FOXP1: variants seen among roughly 807,000 people sequenced by gnomAD.
The protein encoded by FOXP1 is forkhead box P1, also known as forkhead box protein P1.
In FOXP1, 15 loss-of-function variants were observed where a neutral mutation model predicts 98.2. The ratio of observed to expected loss-of-function variants is 0.15; its 90% CI spans 0.10 to 0.24. The LOEUF (loss-of-function observed/expected upper bound fraction) is 0.24. Among genes scored for constraint, FOXP1 ranks in the 10% least tolerant of loss-of-function variants. The pLI is 1.00. For synonymous variants in FOXP1, 371 were observed against 314.5 expected, an observed-to-expected ratio of 1.18 and a Z score of -1.90; for missense variants, 633 against 848.5, an observed-to-expected ratio of 0.75 and a Z score of 3.15.
At chr3:71,574,418 G>C (rs1400317778) in intron 2 of FOXP1, 2 of 152,180 alleles carry the variant, frequency 1.3e-5, no homozygotes. Flanking sequence ...TAGATCTTTA[G>C]TTGAAGCCCT....
intron 4 of FOXP1, among the ~76,000 whole-genome samples, chr3:71,316,733 C>T (rs977018766): frequency 1.3e-5 from 2 of 151,580 alleles, no homozygotes; most frequent in African/African-American, 2.4e-5. Flanking sequence ...TCTCAGCTCA[C>T]GGCAACCTTC....
intron 3 of FOXP1, among the ~76,000 whole-genome samples, chr3:71,372,909 T>G (rs1400234032): frequency 6.6e-6 from 1 of 152,190 alleles, no homozygotes; most frequent in Non-Finnish European, 1.5e-5. Flanking sequence ...AAATGACCCT[T>G]GAGAGGCCCA....
chr3:70,979,683 T>A (rs1043200016), intron 14 of FOXP1, among the ~76,000 whole-genome samples: 1 of 151,724 alleles, frequency 6.6e-6, no homozygotes, highest in African/African-American at 2.4e-5. Context: ...GTGGAAGGTA[T>A]TAAAAATGAG....
Position 71,321,266 on chromosome 3 carries a change from T to C in FOXP1, c.-72-21386A>G, listed in dbSNP as rs944474949. 2.0e-5 allele frequency among the ~76,000 whole-genome samples: 3 copies of C among 152,336 alleles called. No homozygotes were observed. In the East Asian group the frequency reaches 5.8e-4, roughly 29 times the overall value. ...TTTAATGATATCACGCTTCCCACTTTGACAAAATCAAACTTCGCAGTTGGC... is the reference window on the plus strand; with the variant it reads ...TTTAATGATATCACGCTTCCCACTTCGACAAAATCAAACTTCGCAGTTGGC... On this transcript the variant is annotated intron_variant, in intron 4 of 20. Transcript: ENST00000649528.
intron 7 of FOXP1, among the ~76,000 whole-genome samples, chr3:71,076,089 A>G (rs1451641401): frequency 6.6e-6 from 1 of 152,088 alleles, no homozygotes; most frequent in Non-Finnish European, 1.5e-5. Context: ...GTTGACCAAC[A>G]TGAGACCTAA....
rs1039579270 is a variant in FOXP1 at position 71,583,681 on chromosome 3, C to T, written c.-557G>A. The T allele has an allele frequency of 1.0e-6, 1 of 984,620 alleles. No homozygotes were observed. Among genetic ancestry groups the T allele is most frequent in the South Asian group, 4.7e-5 (1 of 21,256 alleles). 61.0% of individuals were successfully genotyped at this position (984,620 alleles called of 1,614,324 possible). A position where few individuals can be genotyped will look rare whatever the true frequency, so the allele number is the denominator to read the frequency against. On this transcript the variant is annotated 5_prime_UTR_variant, in exon 1 of 21. The change creates a new upstream start codon in the 5' untranslated region. Coordinates refer to ENST00000649528, the MANE Select transcript of FOXP1 (RefSeq NM_001349338.3). ...GCGCACACACTCACTCGCGCACACA[C>T]GCGCGCACACACGCACTCCCGGGCG...
chr3:71,095,992 G>A (rs1283391784), intron 7 of FOXP1, among the ~76,000 whole-genome samples: 1 of 152,100 alleles, frequency 6.6e-6, no homozygotes, highest in Non-Finnish European at 1.5e-5. Flanking sequence ...TAACAGGGTG[G>A]GTGGCCTACT....
chr3:71,328,285 A>C (rs2076045628), intron 4 of FOXP1, among the ~76,000 whole-genome samples: 3 of 152,146 alleles, frequency 2.0e-5, no homozygotes, highest in Admixed American at 2.0e-4. Flanking sequence ...AAAAAATAAA[A>C]ATTTAAAAAT....
chr3:71,095,917 T>C (rs1017102061), intron 7 of FOXP1, among the ~76,000 whole-genome samples: 3 of 152,208 alleles, frequency 2.0e-5, no homozygotes, highest in Admixed American at 2.0e-4. Flanking sequence ...AAGGTAGACC[T>C]TCAATATACC....
At position 71,196,753 on chromosome 3, in the gene FOXP1, T is replaced by C. The variant is rs150192364; in HGVS notation, c.180+1449A>G. The stretch of plus-strand genomic sequence containing the variant: ...TGGGTTTTGCTAACAACCTCACTGG[T>C]TGGAATTTGGCCATCTGCACTAACT... On this transcript the variant is annotated intron_variant, in intron 6 of 20. Coordinates refer to ENST00000649528, the MANE Select transcript of FOXP1 (RefSeq NM_001349338.3). Among the ~76,000 whole-genome samples the C allele has an allele frequency of 3.9e-5, 6 of 152,326 alleles. No individual in the cohort carries two copies. In the East Asian group the frequency reaches 9.6e-4, roughly 24 times the overall value.
chr3:71,199,721 C>T (rs945411519), intron 5 of FOXP1, among the ~76,000 whole-genome samples: 6 of 151,346 alleles, frequency 4.0e-5, no homozygotes, highest in Non-Finnish European at 7.4e-5. Flanking sequence ...GCCTAGGTGA[C>T]AGGGTGAGAC....
chr3:71,281,314 C>T (rs1348196643), intron 5 of FOXP1, among the ~76,000 whole-genome samples: 2 of 152,136 alleles, frequency 1.3e-5, no homozygotes, highest in Non-Finnish European at 2.9e-5. Flanking sequence ...CAACCATGTG[C>T]GCGTGCACAC....
At chr3:71,208,536 T>TTCTG (rs10529764) in intron 5 of FOXP1, among the ~76,000 whole-genome samples, 23,722 of 149,374 alleles carry the variant, frequency 0.16, 2,427 homozygotes, top group Non-Finnish European at 0.21. Context: ...GCATTTAAGT[T>TTCTG]TGTGTGTGTG....
chr3:71,388,805 C>A (rs1261674326), intron 3 of FOXP1, among the ~76,000 whole-genome samples: 1 of 152,116 alleles, frequency 6.6e-6, no homozygotes, highest in Non-Finnish European at 1.5e-5. Context: ...CTGCCACTAT[C>A]CTTGAAAAGA....
chr3:71,204,602 G>A (rs2063896456), intron 5 of FOXP1, among the ~76,000 whole-genome samples: 3 of 152,174 alleles, frequency 2.0e-5, no homozygotes, highest in Non-Finnish European at 4.4e-5. Flanking sequence ...GCGAGATGCT[G>A]CTGGAGCAGG....
chr3:71,581,991 A>T, intron 1 of FOXP1: 1 of 919,338 alleles, frequency 1.1e-6, no homozygotes, highest in Non-Finnish European at 1.3e-6. Context: ...AGGGGGTGGG[A>T]TGGGGATACG....
At chr3:71,397,058 ATGTGTATATATATATACATATATATG>A (rs2081535367) in intron 3 of FOXP1, among the ~76,000 whole-genome samples, 1 of 98,236 alleles carries the variant, frequency 1.0e-5, no homozygotes, top group Admixed American at 1.2e-4. Flanking sequence ...ACACATATAT[ATGTGTATATATATATACATATATATG>A]TGTATATATA....
At chr3:71,521,882 T>C (rs866537944) in intron 2 of FOXP1, among the ~76,000 whole-genome samples, 4 of 152,214 alleles carry the variant, frequency 2.6e-5, no homozygotes, top group East Asian at 1.9e-4. Context: ...GAAAGGCGCA[T>C]TGGACTTTTA....
intron 5 of FOXP1, among the ~76,000 whole-genome samples, chr3:71,241,026 T>A (rs973579431): frequency 2.7e-5 from 4 of 150,912 alleles, no homozygotes; most frequent in African/African-American, 9.7e-5. Flanking sequence ...CTGGCCAACA[T>A]AGTGAAACCC....
Sources: allele counts gnomAD v4.1 joint callset (sites outside exome capture counted in the v4.1 genomes callset), GRCh38; gene constraint gnomAD v4.1.1; transcripts MANE v1.5; gene names NCBI Gene and HGNC (gene_info 2026-07-23, HGNC 2026-07-21).